The following DPF3 variants were observed in gnomAD, a reference collection of about 807,000 sequenced individuals.
DPF3 encodes the protein double PHD fingers 3, also known as zinc finger protein DPF3.
DPF3 carries 18 observed loss-of-function variants against 56.8 expected under a neutral mutation model. The observed-to-expected ratio is 0.32, with a 90% confidence interval of 0.22 to 0.47. The LOEUF is 0.47. Among genes scored for constraint, DPF3 ranks in the 20% least tolerant of loss-of-function variants. The pLI, the probability that DPF3 is intolerant of heterozygous loss-of-function variation, is 1.00. For missense variants in DPF3, 403 were observed against 488.8 expected (o/e 0.82, Z 1.65); for synonymous variants, 188 against 180.2 (o/e 1.04, Z -0.35).
At chr14:72,862,634 G>T (rs138111953) in intron 1 of DPF3, among the ~76,000 whole-genome samples, 161 of 152,110 alleles carry the variant, frequency 1.1e-3, no homozygotes, top group Non-Finnish European at 1.8e-3. Flanking sequence ...CAGCCACATG[G>T]CTTCCCTTGC....
intron 1 of DPF3, among the ~76,000 whole-genome samples, chr14:72,890,101 T>C (rs1886693055): frequency 6.6e-6 from 1 of 152,174 alleles, no homozygotes; most frequent in African/African-American, 2.4e-5. Context: ...AACCAGGATT[T>C]TGATAATACA....
intron 1 of DPF3, among the ~76,000 whole-genome samples, chr14:72,813,091 C>A (rs529665062): frequency 1.3e-5 from 2 of 152,256 alleles, no homozygotes; most frequent in East Asian, 1.9e-4. Context: ...GGAAGGGGAG[C>A]AAACCACCAA....
chr14:72,762,816 C>G (rs1436233346), intron 2 of DPF3, among the ~76,000 whole-genome samples: 1 of 151,768 alleles, frequency 6.6e-6, no homozygotes, highest in East Asian at 1.9e-4. Flanking sequence ...TCTTTATTTA[C>G]TATTCAGGTT....
chr14:72,868,549 C>T (rs768807292), intron 1 of DPF3, among the ~76,000 whole-genome samples: 10 of 152,204 alleles, frequency 6.6e-5, no homozygotes, highest in Non-Finnish European at 1.2e-4. Flanking sequence ...AGGAATCTAC[C>T]TTTCCATCAG....
chr14:72,775,617 T>C (rs1891714361), intron 1 of DPF3, among the ~76,000 whole-genome samples: 1 of 152,252 alleles, frequency 6.6e-6, no homozygotes, highest in African/African-American at 2.4e-5. Flanking sequence ...GTGTGAATGA[T>C]ACCTGTCTTA....
chr14:72,801,891 A>T (rs562585828), intron 1 of DPF3, among the ~76,000 whole-genome samples: 32 of 152,312 alleles, frequency 2.1e-4, no homozygotes, highest in African/African-American at 7.7e-4. Flanking sequence ...AAAACACCCC[A>T]AGGACATCAA....
chr14:72,831,707 C>T (rs1884067694), intron 1 of DPF3, among the ~76,000 whole-genome samples: 1 of 152,188 alleles, frequency 6.6e-6, no homozygotes, highest in Non-Finnish European at 1.5e-5. Flanking sequence ...GGCTTGAAAA[C>T]ATACCAAGAA....
chr14:72,645,171 G>C (rs1885682571), intron 8 of DPF3, among the ~76,000 whole-genome samples: 1 of 152,160 alleles, frequency 6.6e-6, no homozygotes, highest in Non-Finnish European at 1.5e-5. Flanking sequence ...CTTTCCATGA[G>C]GCAGAAACTC....
intron 7 of DPF3, among the ~76,000 whole-genome samples, chr14:72,687,709 T>C (rs1478695473): frequency 6.6e-6 from 1 of 152,174 alleles, no homozygotes; most frequent in Non-Finnish European, 1.5e-5. Context: ...CTTCTCATTC[T>C]CCAATGGCTA....
rs1019944130 is a variant in DPF3, at chr14:72,836,258, C to T, written c.32+57799G>A. On this transcript the variant is annotated intron_variant, in intron 1 of 10. Coordinates refer to ENST00000556509, the MANE Select transcript of DPF3 (RefSeq NM_001280542.3). ...CTCTACTTCCCTCTCCAGTGATATG[C>T]TTCCCTCACTCTCCCATTTTGCTCC... The T allele has an allele frequency of 1.9e-5, 19 of 985,606 alleles. No homozygotes were observed. In the African/African-American group the frequency reaches 2.4e-4, roughly 13 times the overall value. 61.1% of individuals were successfully genotyped at this position (985,606 alleles called of 1,614,324 possible).
intron 1 of DPF3, among the ~76,000 whole-genome samples, chr14:72,791,024 G>A (rs913496371): frequency 3.9e-5 from 6 of 152,046 alleles, no homozygotes; most frequent in African/African-American, 1.4e-4. Context: ...TCCTCTCCCC[G>A]CCCCTTCCTG....
At chr14:72,769,763 A>AGG (rs1891444068) in intron 2 of DPF3, among the ~76,000 whole-genome samples, 1 of 151,972 alleles carries the variant, frequency 6.6e-6, no homozygotes, top group African/African-American at 2.4e-5. Context: ...TCATAAGAAT[A>AGG]ATAGCTACAC....
At chr14:72,666,392 A>T (rs1354324836) in intron 8 of DPF3, among the ~76,000 whole-genome samples, 1 of 152,178 alleles carries the variant, frequency 6.6e-6, no homozygotes, top group Non-Finnish European at 1.5e-5. Flanking sequence ...CATCCAATAA[A>T]TTCTTGAATA....
intron 1 of DPF3, among the ~76,000 whole-genome samples, chr14:72,791,896 C>T (rs1892449024): frequency 1.3e-5 from 2 of 152,200 alleles, no homozygotes; most frequent in Admixed American, 1.3e-4. Context: ...CCCACAGACT[C>T]GAACCTAGTC....
intron 5 of DPF3, 151 bp from the exon 6 acceptor site, chr14:72,714,652 G>A (rs1183887326): frequency 1.3e-6 from 1 of 757,240 alleles, no homozygotes. Flanking sequence ...GAGGCCCAGA[G>A]AGGTCAGGAG....
At chr14:72,715,114 C>G (rs1446790655) in intron 5 of DPF3, among the ~76,000 whole-genome samples, 1 of 152,212 alleles carries the variant, frequency 6.6e-6, no homozygotes. Flanking sequence ...GCTTGGCCTA[C>G]TCAGTAGGGG....
intron 1 of DPF3, among the ~76,000 whole-genome samples, chr14:72,853,960 CCTTGA>C (rs1366749434): frequency 1.3e-5 from 2 of 152,208 alleles, no homozygotes; most frequent in African/African-American, 4.8e-5. Flanking sequence ...AACTCAGGCT[CCTTGA>C]CTTGACTTCC....
At chr14:72,792,507 AC>A (rs1892480086) in intron 1 of DPF3, among the ~76,000 whole-genome samples, 1 of 152,144 alleles carries the variant, frequency 6.6e-6, no homozygotes, top group Non-Finnish European at 1.5e-5. Context: ...ACTCTCTTGC[AC>A]ACACACACCC....
intron 1 of DPF3, chr14:72,853,182 T>C (rs1885050837): frequency 6.6e-6 from 1 of 151,612 alleles, no homozygotes; most frequent in South Asian, 2.1e-4. Context: ...TTATGTTCTT[T>C]ACTGTGCATT....
Sources: gnomAD v4.1 joint callset for allele counts (sites outside exome capture counted in the v4.1 genomes callset) on GRCh38, gnomAD v4.1.1 for gene constraint, MANE v1.5 for transcripts, NCBI Gene and HGNC (gene_info 2026-07-23, HGNC 2026-07-21) for gene names.